Variants in ZHX1 observed in about 807,000 individuals in gnomAD.
ZHX1 encodes zinc fingers and homeoboxes 1.
In ZHX1, 20 loss-of-function variants were observed where a neutral mutation model predicts 61.8. That is an observed-to-expected ratio of 0.32 (90% CI 0.23 to 0.47). The LOEUF (loss-of-function observed/expected upper bound fraction) is 0.47, where lower values mean the gene tolerates loss of function less well. ZHX1 is among the 20% of genes least tolerant of loss of function. The pLI, the probability that ZHX1 is intolerant of heterozygous loss-of-function variation, is 1.00. For synonymous variants in ZHX1, 318 were observed against 352.6 expected (o/e 0.90, Z 1.10); for missense variants, 800 against 1,034.8 (o/e 0.77, Z 3.11).
rs972577819 is a variant in ZHX1 at position 123,254,631 on chromosome 8, T to C, written c.1316A>G (p.Glu439Gly). 2 of 1,614,088 alleles carry C rather than the reference T, an allele frequency of 1.2e-6. No homozygotes were observed. The highest frequency in any genetic ancestry group is 2.7e-5 in the African/African-American group (2 of 74,928). ...AACTGCTGCTGTTGCTGGCTTTGTTTCTGCAGTAGGCTGAGCAGCAGGTAC... is the reference window on the plus strand; with the variant it reads ...AACTGCTGCTGTTGCTGGCTTTGTTCCTGCAGTAGGCTGAGCAGCAGGTAC... ...SQVPAAQPTA[E>G]TKPATAAVPT... Residue 439 changes from glutamate to glycine, a missense_variant, in exon 3 of 4, where the codon GAA becomes GGA. By Grantham distance (98) the Glu-to-Gly change is moderately conservative (BLOSUM62 -2). Coordinates refer to ENST00000395571, the MANE Select transcript of ZHX1 (RefSeq NM_007222.5). The surrounding 1 kb of genome is among the most constrained non-coding windows in gnomAD (Gnocchi z 4.1).
chr8:123,254,510 T>C lies in ZHX1; in HGVS notation c.1437A>G (p.Leu479=). 1 of 1,613,922 alleles carries C rather than the reference T, an allele frequency of 6.2e-7. No homozygotes were observed. The highest frequency in any genetic ancestry group is 8.5e-7 in the Non-Finnish European group (1 of 1,179,964). The change falls in exon 3 of 4, where the codon TTA becomes TTG. Residue 479 remains leucine (L), a synonymous_variant. Coordinates refer to ENST00000395571, the MANE Select transcript of ZHX1 (RefSeq NM_007222.5). This position sits in a 1 kb window ranked among gnomAD's most constrained non-coding sequence, Gnocchi z 4.1. The part of the protein sequence containing the change: ...AKKTKEQLAE[L]KVSYLKNQFP... ...ACTGATTTTTAAGGTAGCTAACTTTTAATTCTGCCAGTTGCTCTTTTGTCT... is the reference window on the plus strand; with the variant it reads ...ACTGATTTTTAAGGTAGCTAACTTTCAATTCTGCCAGTTGCTCTTTTGTCT...
chr8:123,265,795 A>T (rs541253884), intron 2 of ZHX1, among the ~76,000 whole-genome samples: 1 of 152,358 alleles, frequency 6.6e-6, no homozygotes, highest in South Asian at 2.1e-4. Flanking sequence ...TACAAACAGG[A>T]ATAAAAATAA....
upstream of ZHX1, among the ~76,000 whole-genome samples, chr8:123,274,946 G>A (rs1043714365): frequency 3.9e-5 from 6 of 152,112 alleles, no homozygotes; most frequent in Non-Finnish European, 8.8e-5. Context: ...GGAGCCCAGC[G>A]CCCTGACAGA....
chr8:123,249,470 G>A lies in ZHX1; in HGVS notation c.*854C>T, dbSNP rs1397358955. 2 of 152,050 alleles carry A rather than the reference G, an allele frequency of 1.3e-5. No homozygotes were observed. Among genetic ancestry groups the A allele is most frequent in the African/African-American group, 2.4e-5 (1 of 41,412 alleles). The allele number at this position is 152,050 out of a possible 1,614,324, so 9.4% of individuals were successfully genotyped here. On this transcript the variant is annotated 3_prime_UTR_variant, in exon 4 of 4. Transcript: ENST00000395571. Reference sequence around the variant, plus strand: ...CTGTATAAACATTTCTGATTTCCACGATTGTAAGAAAACACTAAGTATACA... The same window carrying A: ...CTGTATAAACATTTCTGATTTCCACAATTGTAAGAAAACACTAAGTATACA...
rs758422365 is a variant in ZHX1, at chr8:123,254,570, C to T, written c.1377G>A (p.Leu459=). 5 of 1,614,114 alleles carry T rather than the reference C, an allele frequency of 3.1e-6. No individual in the cohort carries two copies. Among genetic ancestry groups the T allele is most frequent in the Middle Eastern group, 1.6e-4 (1 of 6,062 alleles). The change falls in exon 3 of 4, where the codon TTG becomes TTA. Residue 459 remains leucine (L), a synonymous_variant. Coordinates refer to ENST00000395571, the MANE Select transcript of ZHX1 (RefSeq NM_007222.5). This position sits in a 1 kb window ranked among gnomAD's most constrained non-coding sequence, Gnocchi z 4.1. ...GAATGCCAAATGAATCAGGGTTTAC[C>T]AATGCAGTTTCATGTTTGACACTTT... ...TSQSVKHETA[L]VNPDSFGIRA... is the part of the protein sequence containing the mutation.
At chr8:123,263,956 C>T (rs551580360) in intron 2 of ZHX1, among the ~76,000 whole-genome samples, 7 of 152,216 alleles carry the variant, frequency 4.6e-5, no homozygotes, top group South Asian at 4.2e-4. Context: ...AGATTACTTT[C>T]GATGGTAAAA....
intron 2 of ZHX1, among the ~76,000 whole-genome samples, chr8:123,263,991 A>G (rs939578049): frequency 6.6e-6 from 1 of 152,214 alleles, no homozygotes; most frequent in Non-Finnish European, 1.5e-5. Context: ...TACCTTAGTC[A>G]TGAATATTAA....
rs975026826 is a variant in ZHX1 at position 123,272,780 on chromosome 8, T to A, written c.-340+1437A>T. ...CACACACCCCAAACCAAATATTCACTGTTCCTGGGGGGAGACTGCTTCTTC... is the reference window on the plus strand; with the variant it reads ...CACACACCCCAAACCAAATATTCACAGTTCCTGGGGGGAGACTGCTTCTTC... On this transcript the variant is annotated intron_variant, in intron 1 of 3. Transcript: ENST00000395571. Among the ~76,000 whole-genome samples the A allele has an allele frequency of 2.6e-5, 4 of 152,174 alleles. No homozygotes were observed. The East Asian group carries it at 7.7e-4, about 29-fold the overall frequency.
chr8:123,270,570 C>G (rs923208905), intron 1 of ZHX1, among the ~76,000 whole-genome samples: 21 of 151,416 alleles, frequency 1.4e-4, no homozygotes, highest in African/African-American at 4.6e-4. Flanking sequence ...TGCTTGAGGC[C>G]AGGAGTTTGA....
chr8:123,274,926 A>C (rs1484745078), upstream of ZHX1, among the ~76,000 whole-genome samples: 1 of 152,092 alleles, frequency 6.6e-6, no homozygotes, highest in Non-Finnish European at 1.5e-5. Flanking sequence ...GGCTGCTGCG[A>C]GTCCGGCCGG....
Position 123,254,879 on chromosome 8 carries a change from G to T in ZHX1, c.1068C>A (p.Phe356Leu). 1 of 1,614,182 alleles carries T rather than the reference G, an allele frequency of 6.2e-7. No homozygotes were observed. The highest frequency in any genetic ancestry group is 8.5e-7 in the Non-Finnish European group (1 of 1,180,024). Residue 356 changes from phenylalanine (F) to leucine (L), a missense_variant, in exon 3 of 4, where the codon TTC becomes TTA. Phe to Leu is a conservative substitution (Grantham distance 22). Transcript: ENST00000395571. The surrounding 1 kb of genome is among the most constrained non-coding windows in gnomAD (Gnocchi z 4.1). The part of the protein sequence containing the change: ...EEVEEARRKQ[F>L]NGTVHTVPQT... ...GAGGTACAGTATGCACTGTTCCATT[G>T]AATTGTTTCCTTCTTGCCTCCTCTA...
At position 123,249,305 on chromosome 8, in the gene ZHX1, T is replaced by A. The variant is rs1281878160; in HGVS notation, c.*1019A>T. ...TTCAGTCTCCTGATACGGCAAGAGTTAACAGTTAACACTCCCATGATTCAT... is the reference window on the plus strand; with the variant it reads ...TTCAGTCTCCTGATACGGCAAGAGTAAACAGTTAACACTCCCATGATTCAT... On this transcript the variant is annotated 3_prime_UTR_variant, in exon 4 of 4. Coordinates refer to ENST00000395571, the MANE Select transcript of ZHX1 (RefSeq NM_007222.5). 6.6e-6 allele frequency: 1 copy of A among 152,160 alleles called. No individual in the cohort carries two copies. The highest frequency in any genetic ancestry group is 1.5e-5 in the Non-Finnish European group (1 of 67,990). 9.4% of individuals were successfully genotyped at this position (152,160 alleles called of 1,614,324 possible).
chr8:123,269,327 T>C (rs1826567161), intron 1 of ZHX1, among the ~76,000 whole-genome samples: 1 of 152,234 alleles, frequency 6.6e-6, no homozygotes, highest in Admixed American at 6.5e-5. Flanking sequence ...GGCACCAGGA[T>C]ACCAGAGGAG....
upstream of ZHX1, among the ~76,000 whole-genome samples, chr8:123,274,719 C>G (rs1826790042): frequency 6.6e-6 from 1 of 152,042 alleles, no homozygotes; most frequent in Non-Finnish European, 1.5e-5. Flanking sequence ...TTGCCTGCGA[C>G]CGCTCCGCCC....
chr8:123,249,112 C>G lies in ZHX1; in HGVS notation c.*1212G>C, dbSNP rs1825848184. On this transcript the variant is annotated 3_prime_UTR_variant, in exon 4 of 4. Coordinates refer to ENST00000395571, the MANE Select transcript of ZHX1 (RefSeq NM_007222.5). ...GAAAATAAACTGGCTAAGCCTACAT[C>G]TGGTCATTCAGAAAAACATGTTAAA... 1 of 152,580 alleles carries G rather than the reference C, an allele frequency of 6.6e-6. No homozygotes were observed. Among genetic ancestry groups the G allele is most frequent in the African/African-American group, 2.4e-5 (1 of 41,460 alleles). The allele number at this position is 152,580 out of a possible 1,614,324, so 9.5% of individuals were successfully genotyped here.
rs1826491166 is a variant in ZHX1, at chr8:123,267,348, A to G, written c.-301T>C. On this transcript the variant is annotated 5_prime_UTR_variant, in exon 2 of 4. It removes an upstream start codon present in the reference 5' UTR. Transcript: ENST00000395571. ...TCTAGTTAGATGTTTAGCTCAGGCC[A>G]TCATTACCAACAGGTCCAAAGCAGC... 2 of 1,443,376 alleles carry G rather than the reference A, an allele frequency of 1.4e-6. No individual in the cohort carries two copies. Among genetic ancestry groups the G allele is most frequent in the Admixed American group, 4.0e-5 (2 of 49,406 alleles). The allele number at this position is 1,443,376 out of a possible 1,614,324, so 89.4% of individuals were successfully genotyped here. A position where few individuals can be genotyped will look rare whatever the true frequency, so the allele number is the denominator to read the frequency against.
intron 2 of ZHX1, among the ~76,000 whole-genome samples, chr8:123,260,165 GAAAAAAAGA>G (rs1563811962): frequency 6.7e-6 from 1 of 149,930 alleles, no homozygotes; most frequent in Non-Finnish European, 1.5e-5. Context: ...CTCAAAAAAA[GAAAAAAAGA>G]AAGAAAAGAA....
chr8:123,253,265 T>G (rs1045780301), intron 3 of ZHX1, 57 bp downstream of exon 3: 143 of 1,406,466 alleles, frequency 1.0e-4, no homozygotes, highest in Non-Finnish European at 1.2e-4. Flanking sequence ...AAGGTGACTG[T>G]TCAAAATGTA....
chr8:123,258,215 T>C (rs543684696), intron 2 of ZHX1, among the ~76,000 whole-genome samples: 1 of 152,254 alleles, frequency 6.6e-6, no homozygotes, highest in African/African-American at 2.4e-5. Flanking sequence ...AGCTGGTTGT[T>C]AGGAAGAGCC....
Sources: allele counts gnomAD v4.1 joint callset (sites outside exome capture counted in the v4.1 genomes callset), GRCh38; gene constraint gnomAD v4.1.1; non-coding constraint Gnocchi (gnomAD v3.1); transcripts MANE v1.5; gene names NCBI Gene and HGNC (gene_info 2026-07-23, HGNC 2026-07-21).